The following GATC variants were observed in gnomAD, a reference collection of about 807,000 sequenced individuals.
GATC encodes the protein glutamyl-tRNA(Gln) amidotransferase subunit C, mitochondrial.
Under a neutral mutation model 14.4 loss-of-function variants are expected in GATC, and 11 were observed. The ratio of observed to expected loss-of-function variants is 0.77; its 90% CI spans 0.48 to 1.27. GATC has a LOEUF of 1.27. Among genes scored for constraint, GATC ranks in the 50% most tolerant of loss-of-function variants. The probability of loss-of-function intolerance (pLI) is 0.00; values close to 1 mark genes in which losing one functional copy is unlikely to be tolerated. For missense variants in GATC, 204 were observed against 183.0 expected (o/e 1.11, Z -0.66); for synonymous variants, 76 against 79.3 (o/e 0.96, Z 0.22).
chr12:120,451,841 C>G (rs1478054052), intron 2 of GATC, among the ~76,000 whole-genome samples: 3 of 147,372 alleles, frequency 2.0e-5, no homozygotes, highest in Admixed American at 6.8e-5. Context: ...AAACAGTATG[C>G]TTACATGCCA....
chr12:120,447,900 C>T (rs530089404), intron 2 of GATC, among the ~76,000 whole-genome samples: 2 of 151,908 alleles, frequency 1.3e-5, no homozygotes, highest in African/African-American at 2.4e-5. Flanking sequence ...ACCACAGGCG[C>T]GTGCCACTTG....
intron 2 of GATC, among the ~76,000 whole-genome samples, chr12:120,447,495 T>A (rs1877909254): frequency 6.6e-6 from 1 of 152,116 alleles, no homozygotes; most frequent in African/African-American, 2.4e-5. Flanking sequence ...TCTTTTCCTC[T>A]CTAGATCTCT....
In GATC at chr12:120,457,532, G is replaced by C. The variant is rs533679379; in HGVS notation, c.358+353G>C. ...TCCAACTTTCTAGTATTCATACCAT[G>C]AATAAATATTTGTTAGGTCTAGCTT... is the stretch of plus-strand genomic sequence containing the variant. On this transcript the variant is annotated intron_variant, in intron 3 of 3. Coordinates refer to ENST00000551765, the MANE Select transcript of GATC (RefSeq NM_176818.3). 2.7e-5 allele frequency among the ~76,000 whole-genome samples: 4 copies of C among 150,278 alleles called. No individual in the cohort carries two copies. In the East Asian group the frequency reaches 7.8e-4, roughly 29 times the overall value.
intron 2 of GATC, among the ~76,000 whole-genome samples, chr12:120,448,331 G>GTTT (rs34872230): frequency 2.1e-4 from 30 of 140,844 alleles, no homozygotes; most frequent in Non-Finnish European, 1.5e-4. Flanking sequence ...CCTCAAGAAA[G>GTTT]TTTTTTTTTT....
intron 2 of GATC, among the ~76,000 whole-genome samples, chr12:120,448,249 G>C (rs902690743): frequency 6.6e-6 from 1 of 151,602 alleles, no homozygotes; most frequent in Non-Finnish European, 1.5e-5. Context: ...TAGAAACGGG[G>C]TCTTGCCATG....
At chr12:120,455,707 G>A (rs1439288419) in intron 2 of GATC, among the ~76,000 whole-genome samples, 1 of 150,992 alleles carries the variant, frequency 6.6e-6, no homozygotes, top group Non-Finnish European at 1.5e-5. Flanking sequence ...TTTTTTTGAG[G>A]CAGAGTATCG....
At position 120,457,059 on chromosome 12, in the gene GATC, GCTT is replaced by G. The variant is rs1565914762; in HGVS notation, c.255-14_255-12del. ...CCCTTCTCTGAGAGGGTAACCTTGA[GCTT>G]CTGGGTTTTGTAGATGTCTATACCT... On this transcript the variant is annotated splice_polypyrimidine_tract_variant and intron_variant, in intron 2 of 3. Coordinates refer to ENST00000551765, the MANE Select transcript of GATC (RefSeq NM_176818.3). 1 of 1,577,384 alleles carries G rather than the reference GCTT, an allele frequency of 6.3e-7. No individual in the cohort carries two copies. Among genetic ancestry groups the G allele is most frequent in the South Asian group, 1.1e-5 (1 of 90,308 alleles).
chr12:120,459,914 C>G lies in GATC; in HGVS notation c.366C>G (p.Ile122Met). Residue 122 changes from isoleucine (I) to methionine (M), a missense_variant, in exon 4 of 4, where the codon ATC becomes ATG. By Grantham distance (10) the Ile-to-Met change is conservative (BLOSUM62 1). Coordinates refer to ENST00000551765, the MANE Select transcript of GATC (RefSeq NM_176818.3). The stretch of plus-strand genomic sequence containing the variant: ...TTTGTTATTTTCAAACAGGTAATAT[C>G]TCTTTGCCAAAGCTGGATGAACAAG... ...EEYFVAPPGN[I>M]SLPKLDEQEP... The G allele has an allele frequency of 5.0e-6, 8 of 1,611,906 alleles. No individual in the cohort carries two copies. The highest frequency in any genetic ancestry group is 6.8e-6 in the Non-Finnish European group (8 of 1,178,162).
intron 2 of GATC, 91 bp downstream of exon 2, chr12:120,446,920 A>G: frequency 7.7e-7 from 1 of 1,296,204 alleles, no homozygotes. Flanking sequence ...CCAGGGGGTT[A>G]AAGAGTGTTA....
At chr12:120,455,877 G>A (rs1472796440) in intron 2 of GATC, among the ~76,000 whole-genome samples, 3 of 151,990 alleles carry the variant, frequency 2.0e-5, no homozygotes, top group East Asian at 3.9e-4. Flanking sequence ...TAGTAGAGAT[G>A]GGGTTTCACC....
At chr12:120,454,995 C>T (rs559231580) in intron 2 of GATC, 4 of 451,540 alleles carry the variant, frequency 8.9e-6, no homozygotes, top group South Asian at 4.7e-5. Context: ...TCAAGTGATT[C>T]TTGTGCCTCA....
chr12:120,459,493 A>G (rs1054576750), intron 3 of GATC, among the ~76,000 whole-genome samples: 1 of 152,166 alleles, frequency 6.6e-6, no homozygotes, highest in African/African-American at 2.4e-5. Flanking sequence ...CATTACTTCC[A>G]TATTTTCCAT....
intron 3 of GATC, among the ~76,000 whole-genome samples, chr12:120,457,762 C>T (rs868777897): frequency 6.6e-6 from 1 of 151,896 alleles, no homozygotes; most frequent in African/African-American, 2.4e-5. Flanking sequence ...TGCACCAGCA[C>T]GCCTGGCTAA....
rs376552989 is a variant in GATC, at chr12:120,446,552, G to A, written c.72G>A (p.Ala24=). 125 of 1,599,680 alleles carry A rather than the reference G, an allele frequency of 7.8e-5. No individual in the cohort carries two copies. Among genetic ancestry groups the A allele is most frequent in the Admixed American group, 1.0e-4 (6 of 58,872 alleles). Residue 24 remains alanine (A), a synonymous_variant, in exon 1 of 4, where the codon GCG becomes GCA. Coordinates refer to ENST00000551765, the MANE Select transcript of GATC (RefSeq NM_176818.3). ...GGCGCCAGGGCTTCACCTCCAAGGCGGATCCTCAGGTAAAGGCCAGGGCCA... is the reference window on the plus strand; with the variant it reads ...GGCGCCAGGGCTTCACCTCCAAGGCAGATCCTCAGGTAAAGGCCAGGGCCA... ...LGGRQGFTSK[A]DPQGSGRITA...
chr12:120,456,360 A>C (rs1011570777), intron 2 of GATC, among the ~76,000 whole-genome samples: 8 of 152,150 alleles, frequency 5.3e-5, no homozygotes, highest in African/African-American at 1.4e-4. Flanking sequence ...AGGCACATCC[A>C]CCAAAGTGGC....
chr12:120,446,673 C>G lies in GATC; in HGVS notation c.98C>G (p.Thr33Arg). Residue 33 changes from threonine (T) to arginine (R), a missense_variant, in exon 2 of 4, where the codon ACG becomes AGG. Physicochemically the swap from Thr to Arg is moderately conservative, Grantham distance 71. Coordinates refer to ENST00000551765, the MANE Select transcript of GATC (RefSeq NM_176818.3). ...KADPQGSGRITAAVIEHLERL... is the reference protein window; with the variant it reads ...KADPQGSGRIRAAVIEHLERL... ...CTCCTCCAGGGCAGTGGCCGGATCA[C>G]GGCTGCGGTGATCGAGCACCTGGAG... 2 of 1,612,572 alleles carry G rather than the reference C, an allele frequency of 1.2e-6. No individual in the cohort carries two copies. Among genetic ancestry groups the G allele is most frequent in the Non-Finnish European group, 1.7e-6 (2 of 1,179,454 alleles).
intron 3 of GATC, 144 bp from the exon 4 acceptor site, chr12:120,459,762 AG>A: frequency 2.1e-6 from 1 of 485,922 alleles, no homozygotes; most frequent in Non-Finnish European, 3.8e-6. Flanking sequence ...AGGCCGAGGC[AG>A]GAGAATGGCG....
intron 2 of GATC, among the ~76,000 whole-genome samples, chr12:120,452,026 G>A (rs1463021224): frequency 1.5e-4 from 22 of 149,256 alleles, no homozygotes; most frequent in Admixed American, 1.2e-3. Flanking sequence ...ACAGGTGCCC[G>A]GCACCATGCC....
At chr12:120,447,363 C>T (rs907902706) in intron 2 of GATC, among the ~76,000 whole-genome samples, 8 of 152,120 alleles carry the variant, frequency 5.3e-5, no homozygotes, top group Non-Finnish European at 1.2e-4. Flanking sequence ...GTGTGAGCCA[C>T]CGCGCCTGGC....
Sources: allele counts gnomAD v4.1 joint callset (sites outside exome capture counted in the v4.1 genomes callset), GRCh38; gene constraint gnomAD v4.1.1; transcripts MANE v1.5; gene names NCBI Gene and HGNC (gene_info 2026-07-23, HGNC 2026-07-21).